The following CHN1 variants were observed in gnomAD, a reference collection of about 807,000 sequenced individuals.
The protein encoded by CHN1 is chimerin 1, also known as N-chimaerin.
A neutral mutation model predicts 59.5 loss-of-function variants in CHN1; 37 were observed. The ratio of observed to expected loss-of-function variants is 0.62; its 90% confidence interval spans 0.48 to 0.82. CHN1 has a LOEUF of 0.82. CHN1 is among the 40% of genes least tolerant of loss of function. CHN1 has a pLI of 0.00. For synonymous variants in CHN1, 206 were observed against 200.4 expected (o/e 1.03, Z -0.24); for missense variants, 469 against 571.0 (o/e 0.82, Z 1.82).
At chr2:174,978,072 G>A (rs942021836) in intron 1 of CHN1, among the ~76,000 whole-genome samples, 1 of 151,854 alleles carries the variant, frequency 6.6e-6, no homozygotes, top group Non-Finnish European at 1.5e-5. Context: ...ATTAATATTG[G>A]GCAAAAAGGA....
At position 174,886,397 on chromosome 2, in the gene CHN1, A is replaced by G. The variant is rs1388253675; in HGVS notation, c.261-8269T>C. ...TATTGAGTTGCCTTTCTCTTACCTA[A>G]ATTGACCCCAATTATTAAACTTCTA... On this transcript the variant is annotated intron_variant, in intron 5 of 12. Coordinates refer to ENST00000409900, the MANE Select transcript of CHN1 (RefSeq NM_001822.7). Among the ~76,000 whole-genome samples, 4 of 152,146 alleles carry G rather than the reference A, an allele frequency of 2.6e-5. No individual in the cohort carries two copies. The East Asian group carries it at 7.7e-4, about 29-fold the overall frequency.
intron 7 of CHN1, 117 bp from the exon 8 acceptor site, chr2:174,824,635 A>G (rs868118367): frequency 3.5e-5 from 13 of 374,834 alleles, no homozygotes; most frequent in Non-Finnish European, 6.2e-5. Flanking sequence ...TATATATGAG[A>G]GAAAGAGAAA....
intron 1 of CHN1, among the ~76,000 whole-genome samples, chr2:174,995,988 T>C (rs955208859): frequency 1.3e-5 from 2 of 152,132 alleles, no homozygotes; most frequent in African/African-American, 4.8e-5. Context: ...TCTCTTACTG[T>C]ACCTAATTTA....
chr2:174,893,744 C>G (rs1688124319), intron 5 of CHN1, among the ~76,000 whole-genome samples: 1 of 152,076 alleles, frequency 6.6e-6, no homozygotes, highest in Non-Finnish European at 1.5e-5. Flanking sequence ...AACAAAGCTA[C>G]AAAGCTACAG....
At chr2:174,965,130 T>G (rs968802646) in intron 1 of CHN1, among the ~76,000 whole-genome samples, 2 of 152,138 alleles carry the variant, frequency 1.3e-5, no homozygotes, top group African/African-American at 2.4e-5. Flanking sequence ...CTGATAGGAT[T>G]AAATTTACTT....
intron 8 of CHN1, among the ~76,000 whole-genome samples, chr2:174,812,836 T>C (rs542329544): frequency 6.0e-4 from 91 of 152,324 alleles, no homozygotes; most frequent in African/African-American, 2.1e-3. Context: ...AAATGTTTAT[T>C]TAATGTGGGG....
chr2:174,998,784 G>A (rs1260421499), intron 1 of CHN1, among the ~76,000 whole-genome samples: 1 of 151,770 alleles, frequency 6.6e-6, no homozygotes, highest in Non-Finnish European at 1.5e-5. Flanking sequence ...TGTTCTTTGA[G>A]GAAGAAAAGT....
intron 3 of CHN1, among the ~76,000 whole-genome samples, chr2:174,940,385 C>T (rs1268789726): frequency 1.3e-5 from 2 of 152,082 alleles, no homozygotes. Context: ...TTCCACATTA[C>T]CTAATACAGT....
At chr2:174,838,478 G>A (rs574680940) in intron 7 of CHN1, among the ~76,000 whole-genome samples, 74 of 152,284 alleles carry the variant, frequency 4.9e-4, no homozygotes, top group African/African-American at 1.4e-3. Context: ...AGCACATTTT[G>A]TCAGTTAAAC....
At chr2:174,933,448 T>A (rs1278237671) in intron 3 of CHN1, among the ~76,000 whole-genome samples, 2 of 151,972 alleles carry the variant, frequency 1.3e-5, no homozygotes, top group African/African-American at 4.8e-5. Context: ...GAGAAAGTCA[T>A]CACTTGTATC....
chr2:174,989,136 G>A (rs1455112425), intron 1 of CHN1, among the ~76,000 whole-genome samples: 1 of 152,038 alleles, frequency 6.6e-6, no homozygotes, highest in Non-Finnish European at 1.5e-5. Flanking sequence ...CCAGCATTTA[G>A]GGAGGCTGAG....
rs1035321275 is a variant in CHN1 at position 174,934,968 on chromosome 2, T to C, written c.114+9920A>G. ...TAAACCAGTCTTTTTGTCTCTAAAA[T>C]ATCCATCCTCTTCCCTGCAGCCAGT... On this transcript the variant is annotated intron_variant, in intron 3 of 12. Coordinates refer to ENST00000409900, the MANE Select transcript of CHN1 (RefSeq NM_001822.7). Among the ~76,000 whole-genome samples the C allele has an allele frequency of 6.6e-5, 10 of 152,336 alleles. No individual in the cohort carries two copies. In the East Asian group the frequency reaches 1.9e-3, roughly 29 times the overall value.
chr2:174,887,877 T>C (rs1243537424), intron 5 of CHN1, among the ~76,000 whole-genome samples: 2 of 152,190 alleles, frequency 1.3e-5, no homozygotes, highest in Non-Finnish European at 2.9e-5. Flanking sequence ...GCAATTCTAC[T>C]AAATAAGCCC....
intron 1 of CHN1, among the ~76,000 whole-genome samples, chr2:175,003,298 AG>A (rs1457871082): frequency 2.0e-5 from 3 of 152,272 alleles, no homozygotes; most frequent in Non-Finnish European, 2.9e-5. Flanking sequence ...AAAATTTTAA[AG>A]ATACATTATT....
At chr2:174,999,361 A>G (rs776610126) in intron 1 of CHN1, among the ~76,000 whole-genome samples, 1 of 152,140 alleles carries the variant, frequency 6.6e-6, no homozygotes, top group Non-Finnish European at 1.5e-5. Flanking sequence ...TTTCTATAAG[A>G]CTGAGAAAAC....
Position 174,800,206 on chromosome 2 carries a change from T to G in CHN1, c.1290A>C (p.Pro430=). 6.6e-7 allele frequency: 1 copy of G among 1,521,630 alleles called. No homozygotes were observed. Among genetic ancestry groups the G allele is most frequent in the Non-Finnish European group, 8.8e-7 (1 of 1,139,366 alleles). 94.3% of individuals were successfully genotyped at this position (1,521,630 alleles called of 1,614,324 possible). ...IVFGPTLMRS[P]ELDAMAALND... ...TCAATGCAGCCATGGCGTCTAGTTC[T>G]GGAGATCTCATAAGGGTGGGTCCAA... Residue 430 remains proline (P), a synonymous_variant, in exon 13 of 13, where the codon CCA becomes CCC. Transcript: ENST00000409900.
intron 1 of CHN1, among the ~76,000 whole-genome samples, chr2:174,987,021 C>G (rs2105457157): frequency 6.6e-6 from 1 of 152,350 alleles, no homozygotes; most frequent in Non-Finnish European, 1.5e-5. Flanking sequence ...CAGGCATGAG[C>G]CACCACGCCC....
chr2:174,947,577 C>T (rs992255324), intron 2 of CHN1, among the ~76,000 whole-genome samples: 2 of 151,284 alleles, frequency 1.3e-5, no homozygotes, highest in East Asian at 1.9e-4. Context: ...CTCAACCTCC[C>T]GAGTTCAAGC....
intron 3 of CHN1, among the ~76,000 whole-genome samples, chr2:174,938,282 A>C (rs1175114900): frequency 1.3e-5 from 2 of 152,168 alleles, no homozygotes; most frequent in African/African-American, 4.8e-5. Context: ...CTAACTCTGA[A>C]ACTTTCTTCC....
Sources: allele counts gnomAD v4.1 joint callset (sites outside exome capture counted in the v4.1 genomes callset), GRCh38; gene constraint gnomAD v4.1.1; transcripts MANE v1.5; gene names NCBI Gene and HGNC (gene_info 2026-07-23, HGNC 2026-07-21).